GFRAL: variants seen among roughly 807,000 people sequenced by gnomAD.
GFRAL encodes GDNF family receptor alpha-like.
Under a neutral mutation model 45.4 loss-of-function variants are expected in GFRAL, and 36 were observed. The observed-to-expected ratio is 0.79, with a 90% CI of 0.61 to 1.05. The LOEUF is 1.05. Among genes scored for constraint, GFRAL ranks in the 50% least tolerant of loss-of-function variants. The probability of loss-of-function intolerance (pLI) is 0.00; values close to 1 mark genes in which losing one functional copy is unlikely to be tolerated. For synonymous variants in GFRAL, 166 were observed against 154.1 expected (o/e 1.08, Z -0.57); for missense variants, 507 against 467.5 (o/e 1.08, Z -0.78).
chr6:55,360,731 A>G (rs982648578), intron 6 of GFRAL, among the ~76,000 whole-genome samples: 1 of 151,994 alleles, frequency 6.6e-6, no homozygotes, highest in African/African-American at 2.4e-5. Context: ...AACTGAAAAT[A>G]CTTATAATGA....
chr6:55,357,714 AT>A (rs1476840509), intron 5 of GFRAL, among the ~76,000 whole-genome samples: 1 of 151,700 alleles, frequency 6.6e-6, no homozygotes, highest in East Asian at 1.9e-4. Flanking sequence ...GTAGTATTTT[AT>A]TTTTAATTAA....
chr6:55,352,958 T>C (rs1768139167), intron 5 of GFRAL, among the ~76,000 whole-genome samples: 1 of 152,074 alleles, frequency 6.6e-6, no homozygotes, highest in South Asian at 2.1e-4. Context: ...TAAAAATGTA[T>C]GTGTTGTTTT....
intron 6 of GFRAL, among the ~76,000 whole-genome samples, chr6:55,384,825 G>A (rs910860670): frequency 6.9e-6 from 1 of 145,890 alleles, no homozygotes; most frequent in Non-Finnish European, 1.5e-5. Context: ...TCTCCCTTAA[G>A]TTCACTCTAG....
chr6:55,358,392 A>G lies in GFRAL; in HGVS notation c.702-496A>G, dbSNP rs571883830. Among the ~76,000 whole-genome samples, 9 of 152,102 alleles carry G rather than the reference A, an allele frequency of 5.9e-5. No homozygotes were observed. The South Asian group carries it at 1.9e-3, about 32-fold the overall frequency. On this transcript the variant is annotated intron_variant, in intron 5 of 8. Transcript: ENST00000340465. ...AATCAAATACATACAGAAATTTTAT[A>G]CCTCACAACATATTGTAAATTCTAA...
intron 6 of GFRAL, among the ~76,000 whole-genome samples, chr6:55,385,508 T>C (rs998012083): frequency 6.6e-6 from 1 of 152,028 alleles, no homozygotes; most frequent in Non-Finnish European, 1.5e-5. Context: ...GTGCTCTTTC[T>C]TTTACCCAAA....
intron 6 of GFRAL, among the ~76,000 whole-genome samples, chr6:55,389,146 T>C (rs992281139): frequency 6.6e-6 from 1 of 152,186 alleles, no homozygotes; most frequent in African/African-American, 2.4e-5. Context: ...GTTATACAGG[T>C]AGACTTATGT....
chr6:55,371,617 A>G (rs1015495152), intron 6 of GFRAL, among the ~76,000 whole-genome samples: 1 of 152,216 alleles, frequency 6.6e-6, no homozygotes, highest in Non-Finnish European at 1.5e-5. Context: ...TAAAGAAGTT[A>G]TCTTCTATTC....
chr6:55,359,857 G>C (rs1444411042), intron 6 of GFRAL, among the ~76,000 whole-genome samples: 4 of 151,866 alleles, frequency 2.6e-5, no homozygotes, highest in African/African-American at 9.7e-5. Context: ...TGTGGGAGTG[G>C]ACTACATAAG....
At chr6:55,401,588 A>T (rs1202462621) in intron 8 of GFRAL, among the ~76,000 whole-genome samples, 1 of 152,262 alleles carries the variant, frequency 6.6e-6, no homozygotes, top group Non-Finnish European at 1.5e-5. Context: ...TTTTTAAAAA[A>T]TGATTACTTG....
At chr6:55,365,304 T>C (rs1768345142) in intron 6 of GFRAL, among the ~76,000 whole-genome samples, 1 of 141,792 alleles carries the variant, frequency 7.1e-6, no homozygotes, top group Non-Finnish European at 1.5e-5. Context: ...CCTGAGACTT[T>C]GCTGAAGTTG....
intron 3 of GFRAL, among the ~76,000 whole-genome samples, chr6:55,341,740 G>A (rs555793660): frequency 6.4e-4 from 98 of 152,268 alleles, no homozygotes; most frequent in South Asian, 2.3e-3. Context: ...AAAGGAGGAT[G>A]TTCGAACCCA....
intron 6 of GFRAL, among the ~76,000 whole-genome samples, chr6:55,376,762 AGCT>A (rs1421303941): frequency 1.3e-5 from 2 of 151,436 alleles, no homozygotes; most frequent in Non-Finnish European, 3.0e-5. Flanking sequence ...CTAGCTAGCT[AGCT>A]ATTTTATCTA....
intron 6 of GFRAL, among the ~76,000 whole-genome samples, chr6:55,385,726 G>A (rs1768673353): frequency 6.6e-6 from 1 of 151,970 alleles, no homozygotes; most frequent in African/African-American, 2.4e-5. Context: ...TATAATAAGA[G>A]ACTATTTAAA....
chr6:55,344,478 C>T (rs1479259401), intron 3 of GFRAL, among the ~76,000 whole-genome samples: 3 of 152,092 alleles, frequency 2.0e-5, no homozygotes, highest in East Asian at 3.9e-4. Context: ...AGGCCTTTGA[C>T]AAGATTAAAC....
chr6:55,398,369 T>TTTAACC (rs143198351), intron 6 of GFRAL, among the ~76,000 whole-genome samples: 6,524 of 152,278 alleles, frequency 0.043, 201 homozygotes, highest in African/African-American at 0.073. Context: ...CAAAACCAGC[T>TTTAACC]TTCATTACAT....
chr6:55,345,132 A>T (rs1405038637), intron 3 of GFRAL, among the ~76,000 whole-genome samples: 2 of 152,168 alleles, frequency 1.3e-5, no homozygotes. Flanking sequence ...TAATTTATAG[A>T]TTCAATGCCA....
At chr6:55,338,490 T>C (rs1282452482) in intron 3 of GFRAL, among the ~76,000 whole-genome samples, 2 of 152,160 alleles carry the variant, frequency 1.3e-5, no homozygotes, top group Admixed American at 6.5e-5. Context: ...TTTTGGATGA[T>C]CTCAATTCTC....
At position 55,351,315 on chromosome 6, in the gene GFRAL, A is replaced by C; in HGVS notation, c.433A>C (p.Asn145His). The stretch of plus-strand genomic sequence containing the variant: ...GGCATGTGTAGGGGATGTGGTCTGT[A>C]ATGCACAGTTGGCCTCTTACCTTAA... ...AEACVGDVVC[N>H]AQLASYLKAC... The change falls in exon 5 of 9, where the codon AAT becomes CAT. Residue 145 changes from asparagine to histidine, a missense_variant. Coordinates refer to ENST00000340465, the MANE Select transcript of GFRAL (RefSeq NM_207410.2). The C allele has an allele frequency of 1.9e-6, 3 of 1,613,518 alleles. No individual in the cohort carries two copies. Among genetic ancestry groups the C allele is most frequent in the Non-Finnish European group, 2.5e-6 (3 of 1,179,668 alleles).
At chr6:55,364,655 A>G (rs1437138651) in intron 6 of GFRAL, among the ~76,000 whole-genome samples, 1 of 150,980 alleles carries the variant, frequency 6.6e-6, no homozygotes, top group Non-Finnish European at 1.5e-5. Flanking sequence ...CTTTCTACAT[A>G]TGGCTAGCCA....
Sources: gnomAD v4.1 joint callset for allele counts (sites outside exome capture counted in the v4.1 genomes callset) on GRCh38, gnomAD v4.1.1 for gene constraint, MANE v1.5 for transcripts, NCBI Gene and HGNC (gene_info 2026-07-23, HGNC 2026-07-21) for gene names.